The following BFSP1 variants were observed in gnomAD, a reference collection of about 807,000 sequenced individuals.
BFSP1 encodes the protein beaded filament structural protein 1.
BFSP1 carries 38 observed loss-of-function variants against 43.9 expected under a neutral mutation model. The ratio of observed to expected loss-of-function variants is 0.87; its 90% confidence interval spans 0.67 to 1.14. The LOEUF (loss-of-function observed/expected upper bound fraction) is 1.14. Ranked by LOEUF, BFSP1 falls within the 50% of genes most tolerant of loss-of-function variation. BFSP1 has a pLI of 0.00. For missense variants in BFSP1, 850 were observed against 875.1 expected (o/e 0.97, Z 0.36); for synonymous variants, 352 against 354.8 (o/e 0.99, Z 0.09).
At chr20:17,564,292 A>G (rs751829982) in intron 1 of BFSP1, among the ~76,000 whole-genome samples, 1 of 151,422 alleles carries the variant, frequency 6.6e-6, no homozygotes, top group African/African-American at 2.4e-5. Flanking sequence ...GCTTGAGCCC[A>G]GGAGGTCAAG....
In BFSP1 at chr20:17,508,903, C is replaced by G. The variant is rs751216763; in HGVS notation, c.721G>C (p.Glu241Gln). 5.6e-6 allele frequency: 9 copies of G among 1,600,194 alleles called. No homozygotes were observed. Among genetic ancestry groups the G allele is most frequent in the Middle Eastern group, 3.3e-4 (2 of 6,032 alleles). Residue 241 changes from glutamate (E) to glutamine (Q), a missense_variant, in exon 5 of 8, where the codon GAG becomes CAG. Glu to Gln is a conservative substitution (Grantham distance 29). Transcript: ENST00000377873. The part of the protein sequence containing the change: ...VLSHLQAQRV[E>Q]LQAQTTTLEQ... ...CTCGAGCGTACCTGTGCCTGCAGCT[C>G]CACTCTCTGCGCCTGCAGGTGGGAG...
At chr20:17,561,981 C>G (rs115885046), upstream of BFSP1, among the ~76,000 whole-genome samples, 192 of 151,986 alleles carry the variant, frequency 1.3e-3, no homozygotes, top group African/African-American at 4.3e-3. Flanking sequence ...AGTATGACGG[C>G]GCGATCTCGG....
intron 6 of BFSP1, 119 bp downstream of exon 6, chr20:17,498,701 G>A: frequency 8.3e-7 from 1 of 1,203,630 alleles, no homozygotes. Context: ...GTCAGGAATT[G>A]TTCTGTTTCC....
At chr20:17,546,826 C>A (rs2034809317) in intron 1 of BFSP1, among the ~76,000 whole-genome samples, 1 of 151,904 alleles carries the variant, frequency 6.6e-6, no homozygotes, top group South Asian at 2.1e-4. Context: ...GAGTTCGAGA[C>A]CAGCCTGGCC....
chr20:17,519,367 T>C (rs951191083), intron 2 of BFSP1, among the ~76,000 whole-genome samples: 6 of 152,176 alleles, frequency 3.9e-5, no homozygotes, highest in Non-Finnish European at 7.4e-5. Context: ...TCTCCCATGC[T>C]CAGCTGCCCT....
At chr20:17,562,844 G>A (rs182915521), upstream of BFSP1, 8 of 152,284 alleles carry the variant, frequency 5.3e-5, no homozygotes, top group East Asian at 1.5e-3. Context: ...AGGGCCCTTG[G>A]GGCTGTCTGA....
At position 17,496,931 on chromosome 20, in the gene BFSP1, G is replaced by C. The variant is rs748899734; in HGVS notation, c.1042+7C>G. The C allele has an allele frequency of 2.0e-5, 31 of 1,529,438 alleles. No individual in the cohort carries two copies. In the South Asian group the frequency reaches 3.9e-4, roughly 19 times the overall value. 94.7% of individuals were successfully genotyped at this position (1,529,438 alleles called of 1,614,324 possible). A position where few individuals can be genotyped will look rare whatever the true frequency, so the allele number is the denominator to read the frequency against. ...AAAAACAGAAGTCCAGTGTTGGGGAGCGTTACCTTTCCCACCGGATCCAGT... is the reference window on the plus strand; with the variant it reads ...AAAAACAGAAGTCCAGTGTTGGGGACCGTTACCTTTCCCACCGGATCCAGT... On this transcript the variant is annotated splice_region_variant and intron_variant, in intron 7 of 7. Coordinates refer to ENST00000377873, the MANE Select transcript of BFSP1 (RefSeq NM_001195.5).
At chr20:17,524,363 C>T (rs1374855677) in intron 2 of BFSP1, among the ~76,000 whole-genome samples, 1 of 152,154 alleles carries the variant, frequency 6.6e-6, no homozygotes, top group Non-Finnish European at 1.5e-5. Context: ...CTGGCATCTC[C>T]CCTGGGGCTA....
intron 2 of BFSP1, among the ~76,000 whole-genome samples, chr20:17,518,402 C>G (rs998703940): frequency 1.4e-4 from 21 of 152,142 alleles, no homozygotes; most frequent in Non-Finnish European, 2.6e-4. Flanking sequence ...TCACATCCTG[C>G]GACCCAGGGA....
chr20:17,504,805 C>T (rs1331311842), intron 5 of BFSP1, among the ~76,000 whole-genome samples: 3 of 152,148 alleles, frequency 2.0e-5, no homozygotes, highest in Admixed American at 6.5e-5. Flanking sequence ...GGCTGTGAGC[C>T]GCTGAGGGCA....
At chr20:17,511,563 A>G (rs941169961) in intron 4 of BFSP1, among the ~76,000 whole-genome samples, 21 of 152,202 alleles carry the variant, frequency 1.4e-4, no homozygotes, top group Admixed American at 2.6e-4. Flanking sequence ...AACCACCACC[A>G]TTAGAAGAGC....
chr20:17,524,391 G>A (rs780021030), intron 2 of BFSP1, among the ~76,000 whole-genome samples: 6 of 152,110 alleles, frequency 3.9e-5, no homozygotes, highest in African/African-American at 7.2e-5. Flanking sequence ...CGCTATAAGA[G>A]GGAACTCTAG....
Position 17,531,258 on chromosome 20 carries a change from G to T in BFSP1, c.72C>A (p.Ala24=), listed in dbSNP as rs779194352. 1 of 1,436,960 alleles carries T rather than the reference G, an allele frequency of 7.0e-7. No individual in the cohort carries two copies. Among genetic ancestry groups the T allele is most frequent in the South Asian group, 1.4e-5 (1 of 71,544 alleles). 89.0% of individuals were successfully genotyped at this position (1,436,960 alleles called of 1,614,324 possible). Residue 24 remains alanine, a synonymous_variant, in exon 1 of 8, where the codon GCC becomes GCA. Transcript: ENST00000377873. ...QYEHADEASR[A]AEPERPADEG... ...CGTCGGCCGGGCGCTCGGGCTCGGC[G>T]GCGCGCGAAGCCTCGTCGGCGTGCT...
intron 2 of BFSP1, among the ~76,000 whole-genome samples, chr20:17,517,853 C>T (rs988474595): frequency 1.3e-5 from 2 of 152,188 alleles, no homozygotes; most frequent in Non-Finnish European, 2.9e-5. Context: ...GGCTGCCATA[C>T]TGCATGGCAC....
chr20:17,497,611 TATATAC>T lies in BFSP1; in HGVS notation c.957-594_957-589del, dbSNP rs1568679855. ...ATATATACGTGTATATATATACGTA[TATATAC>T]ATATACACACACATATATACATATA... is the stretch of plus-strand genomic sequence containing the variant. On this transcript the variant is annotated intron_variant, in intron 6 of 7. Coordinates refer to ENST00000377873, the MANE Select transcript of BFSP1 (RefSeq NM_001195.5). Among the ~76,000 whole-genome samples the T allele has an allele frequency of 2.2e-4, 25 of 113,680 alleles. 1 individual carries two copies. Among genetic ancestry groups the T allele is most frequent in the South Asian group, 6.8e-4 (2 of 2,920 alleles). The allele number at this position is 113,680 out of a possible 152,430, so 74.6% of individuals were successfully genotyped here.
chr20:17,519,048 G>T (rs11698944), intron 2 of BFSP1, among the ~76,000 whole-genome samples: 154 of 152,112 alleles, frequency 1.0e-3, no homozygotes, highest in Non-Finnish European at 1.7e-3. Flanking sequence ...CAGGAGTATT[G>T]GGTGGATGTT....
intron 7 of BFSP1, among the ~76,000 whole-genome samples, 163 bp from the exon 8 acceptor site, chr20:17,495,192 T>TAA (rs1568677109): frequency 2.6e-5 from 4 of 152,230 alleles, no homozygotes; most frequent in Admixed American, 6.5e-5. Context: ...AGGCCCTGGC[T>TAA]TTGTTGCTCC....
intron 1 of BFSP1, among the ~76,000 whole-genome samples, chr20:17,552,591 G>A (rs1162567474): frequency 6.6e-6 from 1 of 152,210 alleles, no homozygotes; most frequent in Non-Finnish European, 1.5e-5. Context: ...AGAGACCATT[G>A]CAGTAATCCA....
At chr20:17,496,378 A>G (rs941721686) in intron 7 of BFSP1, among the ~76,000 whole-genome samples, 3 of 152,236 alleles carry the variant, frequency 2.0e-5, no homozygotes, top group African/African-American at 7.2e-5. Flanking sequence ...ATGTGAGGTG[A>G]GGTCTTACAG....
Sources: gnomAD v4.1 joint callset for allele counts (sites outside exome capture counted in the v4.1 genomes callset) on GRCh38, gnomAD v4.1.1 for gene constraint, MANE v1.5 for transcripts, NCBI Gene and HGNC (gene_info 2026-07-23, HGNC 2026-07-21) for gene names.